Variants in FSTL5 observed in about 807,000 individuals in gnomAD.
The protein encoded by FSTL5 is follistatin-related protein 5.
FSTL5 carries 62 observed loss-of-function variants against 89.1 expected under a neutral mutation model. That is an observed-to-expected ratio of 0.70 (90% CI 0.57 to 0.86). The LOEUF is 0.86. Ranked by LOEUF, FSTL5 falls within the 40% of genes least tolerant of loss-of-function variation. The pLI is 0.00. For synonymous variants in FSTL5, 383 were observed against 346.2 expected (o/e 1.11, Z -1.18); for missense variants, 1,057 against 1,001.6 (o/e 1.06, Z -0.75).
At position 161,871,942 on chromosome 4, in the gene FSTL5, T is replaced by C. The variant is rs187139826; in HGVS notation, c.409+48462A>G. Among the ~76,000 whole-genome samples the C allele has an allele frequency of 3.2e-3, 484 of 152,076 alleles. 5 individuals are homozygous for C. Among genetic ancestry groups the C allele is most frequent in the African/African-American group, 0.011 (447 of 41,516 alleles). On this transcript the variant is annotated intron_variant, in intron 4 of 15. Coordinates refer to ENST00000306100, the MANE Select transcript of FSTL5 (RefSeq NM_020116.5). ...ACACATCTGACACATCATAAATGCA[T>C]AGTCATGAAAGTTATTATTATTAAT...
chr4:161,732,832 G>A lies in FSTL5; in HGVS notation c.727+26579C>T, dbSNP rs1323279114. On this transcript the variant is annotated intron_variant, in intron 6 of 15. Coordinates refer to ENST00000306100, the MANE Select transcript of FSTL5 (RefSeq NM_020116.5). Reference sequence around the variant, plus strand: ...ATCTGCTTTTTTTAATGACTCTTTAGTCTCTTCTATTATTCTATATGTCTA... The same window carrying A: ...ATCTGCTTTTTTTAATGACTCTTTAATCTCTTCTATTATTCTATATGTCTA... Among the ~76,000 whole-genome samples, 2 of 150,686 alleles carry A rather than the reference G, an allele frequency of 1.3e-5. 1 individual carries two copies. Among genetic ancestry groups the A allele is most frequent in the Non-Finnish European group, 3.0e-5 (2 of 67,548 alleles).
At chr4:161,623,499 A>G (rs1735212221) in intron 7 of FSTL5, among the ~76,000 whole-genome samples, 1 of 151,982 alleles carries the variant, frequency 6.6e-6, no homozygotes. Context: ...CAATTTTCAT[A>G]TTGGTTAAAT....
intron 7 of FSTL5, among the ~76,000 whole-genome samples, chr4:161,604,381 C>G (rs994662151): frequency 7.2e-5 from 11 of 151,814 alleles, no homozygotes; most frequent in Admixed American, 7.2e-4. Context: ...GTAACTTGAA[C>G]ATAAAAATTT....
intron 2 of FSTL5, among the ~76,000 whole-genome samples, chr4:162,092,598 G>A (rs1443268296): frequency 6.6e-6 from 1 of 151,990 alleles, no homozygotes; most frequent in Non-Finnish European, 1.5e-5. Context: ...TTGATAAGTA[G>A]AATAAGTAAG....
chr4:161,806,887 GATAA>G (rs1729984319), intron 4 of FSTL5, among the ~76,000 whole-genome samples: 2 of 151,984 alleles, frequency 1.3e-5, no homozygotes, highest in Admixed American at 1.3e-4. Context: ...ATATAGATTA[GATAA>G]ATAGACAGAT....
At chr4:161,629,518 A>AT (rs1258609464) in intron 7 of FSTL5, among the ~76,000 whole-genome samples, 3 of 151,724 alleles carry the variant, frequency 2.0e-5, no homozygotes, top group African/African-American at 7.3e-5. Context: ...AAGTTTTTGC[A>AT]TTTTTTAGTA....
chr4:161,450,736 T>C (rs1186111503), intron 15 of FSTL5, among the ~76,000 whole-genome samples: 1 of 150,442 alleles, frequency 6.6e-6, no homozygotes, highest in East Asian at 1.9e-4. Context: ...ATTACATTCA[T>C]CTTCATTTTT....
At chr4:161,494,031 C>T (rs1045716222) in intron 12 of FSTL5, among the ~76,000 whole-genome samples, 3 of 152,046 alleles carry the variant, frequency 2.0e-5, no homozygotes, top group Non-Finnish European at 4.4e-5. Context: ...TTTATAAGAC[C>T]TCTTTACATC....
At chr4:161,751,811 C>T (rs138715784) in intron 6 of FSTL5, among the ~76,000 whole-genome samples, 127 of 151,650 alleles carry the variant, frequency 8.4e-4, no homozygotes, top group African/African-American at 3.0e-3. Context: ...GATGATCATA[C>T]AAACTAAAAT....
At chr4:161,916,814 A>G (rs1186830047) in intron 4 of FSTL5, among the ~76,000 whole-genome samples, 1 of 152,204 alleles carries the variant, frequency 6.6e-6, no homozygotes, top group Non-Finnish European at 1.5e-5. Flanking sequence ...AACACAAGTA[A>G]TAGAAAGAGG....
At chr4:161,911,808 C>T (rs1250423493) in intron 4 of FSTL5, among the ~76,000 whole-genome samples, 1 of 152,100 alleles carries the variant, frequency 6.6e-6, no homozygotes, top group Non-Finnish European at 1.5e-5. Flanking sequence ...GTGAAAAGAG[C>T]AATATTGCTA....
chr4:161,597,772 G>A (rs1418585560), intron 7 of FSTL5, among the ~76,000 whole-genome samples: 3 of 151,968 alleles, frequency 2.0e-5, no homozygotes. Context: ...GTGTTTATAG[G>A]TTATGAAAAG....
At chr4:161,808,783 C>A (rs574222962) in intron 4 of FSTL5, among the ~76,000 whole-genome samples, 166 of 152,188 alleles carry the variant, frequency 1.1e-3, no homozygotes, top group African/African-American at 3.8e-3. Context: ...TGTATGGATG[C>A]CTTACAACTC....
At chr4:161,669,125 AAAT>A (rs1180999318) in intron 6 of FSTL5, among the ~76,000 whole-genome samples, 3 of 144,900 alleles carry the variant, frequency 2.1e-5, no homozygotes, top group African/African-American at 2.5e-5. Context: ...AAAAAAAAAA[AAAT>A]AAAATAAAAT....
chr4:161,808,943 G>A (rs1189136404), intron 4 of FSTL5, among the ~76,000 whole-genome samples: 1 of 152,152 alleles, frequency 6.6e-6, no homozygotes, highest in Non-Finnish European at 1.5e-5. Context: ...TCATGACCGG[G>A]TGCGGTTGCT....
At chr4:161,892,763 T>C (rs1357352179) in intron 4 of FSTL5, among the ~76,000 whole-genome samples, 2 of 152,104 alleles carry the variant, frequency 1.3e-5, no homozygotes, top group Non-Finnish European at 2.9e-5. Context: ...TTTTAATTAG[T>C]AGTTTAAAAA....
At chr4:161,564,865 A>T (rs112448658) in intron 8 of FSTL5, among the ~76,000 whole-genome samples, 2,683 of 151,926 alleles carry the variant, frequency 0.018, 89 homozygotes, top group African/African-American at 0.061. Context: ...TAAATCAAAA[A>T]ATGAGCTGGA....
At chr4:161,623,804 C>T (rs1735221513) in intron 7 of FSTL5, among the ~76,000 whole-genome samples, 1 of 151,912 alleles carries the variant, frequency 6.6e-6, no homozygotes, top group Non-Finnish European at 1.5e-5. Flanking sequence ...ATCCATACTT[C>T]AGAGAAGAGT....
At chr4:161,522,516 TA>T (rs1731072772) in intron 10 of FSTL5, among the ~76,000 whole-genome samples, 2 of 151,662 alleles carry the variant, frequency 1.3e-5, no homozygotes, top group African/African-American at 4.8e-5. Flanking sequence ...ATTTTACTAA[TA>T]AAAATATATT....
Sources: allele counts gnomAD v4.1 joint callset (sites outside exome capture counted in the v4.1 genomes callset), GRCh38; gene constraint gnomAD v4.1.1; transcripts MANE v1.5; gene names NCBI Gene and HGNC (gene_info 2026-07-23, HGNC 2026-07-21).